The following SGCZ variants were observed in gnomAD, a reference collection of about 807,000 sequenced individuals.
SGCZ encodes the protein sarcoglycan zeta, also known as zeta-sarcoglycan.
In SGCZ, 40 loss-of-function variants were observed where a neutral mutation model predicts 41.3. The observed-to-expected ratio is 0.97, with a 90% CI of 0.75 to 1.26. SGCZ has a LOEUF of 1.26. SGCZ is among the 50% of genes most tolerant of loss of function. SGCZ has a pLI of 0.00. For missense variants in SGCZ, 552 were observed against 369.8 expected, an observed-to-expected ratio of 1.49 and a Z score of -4.04; for synonymous variants, 206 against 137.5, an observed-to-expected ratio of 1.50 and a Z score of -3.49.
intron 2 of SGCZ, among the ~76,000 whole-genome samples, chr8:14,380,276 T>C (rs1804309400): frequency 6.6e-6 from 1 of 152,216 alleles, no homozygotes. Flanking sequence ...ATTGATGTTT[T>C]CCTTTCTTTC....
At chr8:14,745,317 G>T (rs528031314) in intron 1 of SGCZ, among the ~76,000 whole-genome samples, 1 of 152,142 alleles carries the variant, frequency 6.6e-6, no homozygotes, top group African/African-American at 2.4e-5. Flanking sequence ...TCACTACTAA[G>T]ATTTCAGTGG....
intron 1 of SGCZ, among the ~76,000 whole-genome samples, chr8:14,558,245 A>G (rs1285107775): frequency 1.3e-5 from 2 of 152,128 alleles, no homozygotes; most frequent in Non-Finnish European, 1.5e-5. Context: ...TCAAAGAAGA[A>G]TTGGTATCAA....
At chr8:15,005,149 T>A (rs1170757412) in intron 1 of SGCZ, among the ~76,000 whole-genome samples, 1 of 151,964 alleles carries the variant, frequency 6.6e-6, no homozygotes. Context: ...ATCCTTCACA[T>A]TACTTTTCAT....
At chr8:15,229,992 T>C (rs2117204738) in intron 1 of SGCZ, among the ~76,000 whole-genome samples, 1 of 152,312 alleles carries the variant, frequency 6.6e-6, no homozygotes, top group East Asian at 1.9e-4. Context: ...AAGACAAATA[T>C]TTAGTAGGCT....
chr8:15,043,484 T>A (rs189291338), intron 1 of SGCZ, among the ~76,000 whole-genome samples: 2 of 152,076 alleles, frequency 1.3e-5, no homozygotes, highest in African/African-American at 4.8e-5. Context: ...CTTAAGTAAA[T>A]CATATTTTTC....
At chr8:14,656,700 T>C (rs1487591308) in intron 1 of SGCZ, among the ~76,000 whole-genome samples, 4 of 151,602 alleles carry the variant, frequency 2.6e-5, no homozygotes, top group Non-Finnish European at 5.9e-5. Flanking sequence ...TTTCACTCTT[T>C]CTTTCTCCAC....
intron 1 of SGCZ, among the ~76,000 whole-genome samples, chr8:14,600,151 C>G (rs28729891): frequency 0.17 from 25,974 of 151,954 alleles, 2,734 homozygotes; most frequent in Non-Finnish European, 0.23. Context: ...GGTTTCTTTA[C>G]TTGGACTTCT....
chr8:14,725,323 T>C (rs1168733150), intron 1 of SGCZ, among the ~76,000 whole-genome samples: 1 of 152,194 alleles, frequency 6.6e-6, no homozygotes, highest in Non-Finnish European at 1.5e-5. Flanking sequence ...TTTGATATAT[T>C]TATTTTCTTT....
At chr8:15,179,056 T>C (rs1800083194) in intron 1 of SGCZ, among the ~76,000 whole-genome samples, 1 of 152,092 alleles carries the variant, frequency 6.6e-6, no homozygotes, top group Non-Finnish European at 1.5e-5. Flanking sequence ...ATTATATCCA[T>C]GGACATAAAA....
intron 2 of SGCZ, among the ~76,000 whole-genome samples, chr8:14,366,542 C>A (rs1382314878): frequency 1.3e-5 from 2 of 151,984 alleles, no homozygotes; most frequent in Non-Finnish European, 1.5e-5. Context: ...CACCCCTGGC[C>A]CCTCCTAGAT....
rs181807348 is a variant in SGCZ at position 14,750,763 on chromosome 8, G to A, written c.40-195837C>T. On this transcript the variant is annotated intron_variant, in intron 1 of 7. Coordinates refer to ENST00000382080, the MANE Select transcript of SGCZ (RefSeq NM_139167.4). The stretch of plus-strand genomic sequence containing the variant: ...ATGCATGACTAATCAAGTTGGCTTC[G>A]TTTATTTAAATCCAGAAAAATTACT... Among the ~76,000 whole-genome samples, 526 of 152,244 alleles carry A rather than the reference G, an allele frequency of 3.5e-3. 2 individuals are homozygous for A. Among genetic ancestry groups the A allele is most frequent in the African/African-American group, 0.012 (498 of 41,550 alleles).
chr8:14,578,639 C>T (rs1258783084), intron 1 of SGCZ, among the ~76,000 whole-genome samples: 2 of 152,154 alleles, frequency 1.3e-5, no homozygotes, highest in Non-Finnish European at 2.9e-5. Flanking sequence ...TTCTAGGGCA[C>T]ATTCTGAGGT....
chr8:14,651,865 T>C (rs7816089), intron 1 of SGCZ, among the ~76,000 whole-genome samples: 30,961 of 151,870 alleles, frequency 0.2, 3,844 homozygotes, highest in Non-Finnish European at 0.29. Flanking sequence ...TTCTGACATA[T>C]ATTTTCAGAA....
intron 1 of SGCZ, among the ~76,000 whole-genome samples, chr8:14,633,051 G>T (rs551451438): frequency 6.6e-6 from 1 of 152,012 alleles, no homozygotes. Flanking sequence ...TGAATTACAT[G>T]AAATCTCTAT....
intron 2 of SGCZ, among the ~76,000 whole-genome samples, chr8:14,327,331 C>T (rs1352087284): frequency 6.6e-6 from 1 of 152,134 alleles, no homozygotes; most frequent in African/African-American, 2.4e-5. Context: ...TAATTAGAAC[C>T]TATAACATGA....
chr8:14,692,364 G>A (rs184692500), intron 1 of SGCZ, among the ~76,000 whole-genome samples: 42 of 152,130 alleles, frequency 2.8e-4, no homozygotes, highest in Admixed American at 1.2e-3. Context: ...TAAGTGATAA[G>A]GTGGCCCCAT....
chr8:14,212,010 TCC>T (rs1805825007), intron 4 of SGCZ, among the ~76,000 whole-genome samples: 1 of 152,108 alleles, frequency 6.6e-6, no homozygotes, highest in Non-Finnish European at 1.5e-5. Flanking sequence ...ATCTGTCCCA[TCC>T]CTAAGATAGT....
intron 1 of SGCZ, among the ~76,000 whole-genome samples, chr8:15,195,178 C>T (rs929217451): frequency 2.0e-5 from 3 of 152,152 alleles, no homozygotes; most frequent in African/African-American, 7.2e-5. Context: ...CTAGATCCCA[C>T]TTCTTGCAGT....
chr8:14,181,369 G>C lies in SGCZ; in HGVS notation c.425-16667C>G, dbSNP rs1373952294. Among the ~76,000 whole-genome samples, 22 of 152,180 alleles carry C rather than the reference G, an allele frequency of 1.4e-4. 1 individual carries two copies. The highest frequency in any genetic ancestry group is 1.4e-3 in the Admixed American group (22 of 15,282). On this transcript the variant is annotated intron_variant, in intron 4 of 7. Coordinates refer to ENST00000382080, the MANE Select transcript of SGCZ (RefSeq NM_139167.4). ...CCTTAAAATACTCTGCTTTTCTAAT[G>C]ACAGAACTAAAGTGACTGTTTAAAA...
Sources: gnomAD v4.1 joint callset for allele counts (sites outside exome capture counted in the v4.1 genomes callset) on GRCh38, gnomAD v4.1.1 for gene constraint, MANE v1.5 for transcripts, NCBI Gene and HGNC (gene_info 2026-07-23, HGNC 2026-07-21) for gene names.